Variants in TYW1 observed in about 807,000 individuals in gnomAD.
TYW1 encodes tRNA-yW synthesizing protein 1 homolog.
TYW1 carries 46 observed loss-of-function variants against 96.2 expected under a neutral mutation model. The ratio of observed to expected loss-of-function variants is 0.48; its 90% CI spans 0.38 to 0.61. The LOEUF is 0.61. TYW1 is among the 20% of genes least tolerant of loss of function. The pLI is 0.00. For missense variants in TYW1, 684 were observed against 909.6 expected, an observed-to-expected ratio of 0.75 and a Z score of 3.19; for synonymous variants, 274 against 323.0, an observed-to-expected ratio of 0.85 and a Z score of 1.63.
intron 13 of TYW1, among the ~76,000 whole-genome samples, chr7:67,125,219 AT>A (rs368505401): frequency 2.6e-5 from 4 of 152,332 alleles, no homozygotes; most frequent in African/African-American, 9.6e-5. Flanking sequence ...TTAAAAAAGT[AT>A]ATGTTTAGTG....
intron 4 of TYW1, among the ~76,000 whole-genome samples, chr7:67,013,934 G>A (rs544612200): frequency 2.0e-5 from 3 of 151,694 alleles, no homozygotes; most frequent in Non-Finnish European, 2.9e-5. Context: ...TAGTAGAGAC[G>A]AGGTTTCACC....
At chr7:67,022,129 T>C (rs1761649351) in intron 6 of TYW1, among the ~76,000 whole-genome samples, 1 of 152,210 alleles carries the variant, frequency 6.6e-6, no homozygotes, top group South Asian at 2.1e-4. Context: ...CCCAGGCTGG[T>C]CTCAAACTGC....
intron 15 of TYW1, among the ~76,000 whole-genome samples, chr7:67,207,223 T>C (rs888199700): frequency 6.6e-6 from 1 of 152,208 alleles, no homozygotes; most frequent in Non-Finnish European, 1.5e-5. Context: ...CAGTACTTTC[T>C]AGAGTAACTG....
At chr7:67,112,178 A>G (rs1463174535) in intron 12 of TYW1, among the ~76,000 whole-genome samples, 1 of 151,852 alleles carries the variant, frequency 6.6e-6, no homozygotes, top group East Asian at 1.9e-4. Flanking sequence ...CAAGTTCACA[A>G]TCTTTTACCC....
chr7:67,167,079 T>C (rs1160178428), intron 13 of TYW1, among the ~76,000 whole-genome samples: 1 of 152,222 alleles, frequency 6.6e-6, no homozygotes, highest in East Asian at 1.9e-4. Context: ...CTATGTCTTC[T>C]CTCTCCATTG....
intron 13 of TYW1, among the ~76,000 whole-genome samples, chr7:67,124,091 C>A (rs1797843866): frequency 6.6e-6 from 1 of 152,100 alleles, no homozygotes. Context: ...ACATTTAGAA[C>A]ATAGATATTG....
At chr7:67,206,564 G>C (rs1800805710) in intron 15 of TYW1, among the ~76,000 whole-genome samples, 1 of 151,986 alleles carries the variant, frequency 6.6e-6, no homozygotes, top group African/African-American at 2.4e-5. Flanking sequence ...CTGGGAGGCA[G>C]AGGTTGCAGT....
At chr7:66,999,647 C>T (rs1793312836) in intron 3 of TYW1, among the ~76,000 whole-genome samples, 1 of 152,186 alleles carries the variant, frequency 6.6e-6, no homozygotes, top group African/African-American at 2.4e-5. Flanking sequence ...AGCCACTGCA[C>T]CTGGCCTCAC....
At chr7:67,200,480 A>G (rs1226536803) in intron 15 of TYW1, among the ~76,000 whole-genome samples, 1 of 151,746 alleles carries the variant, frequency 6.6e-6, no homozygotes, top group African/African-American at 2.4e-5. Flanking sequence ...AACTCCTTAT[A>G]AAACCATCGG....
intron 10 of TYW1, among the ~76,000 whole-genome samples, chr7:67,076,526 AG>A (rs1796211845): frequency 9.2e-5 from 14 of 151,802 alleles, no homozygotes; most frequent in African/African-American, 3.4e-4. Context: ...CCCAGGCTGG[AG>A]TGCAGTGGCC....
chr7:67,091,849 G>T (rs1410771647), intron 11 of TYW1, among the ~76,000 whole-genome samples: 2 of 152,092 alleles, frequency 1.3e-5, no homozygotes, highest in South Asian at 4.2e-4. Context: ...TTTTTGTCTT[G>T]TATTTTGTTT....
chr7:67,208,920 C>T (rs1340645748), intron 15 of TYW1, among the ~76,000 whole-genome samples: 6 of 151,924 alleles, frequency 3.9e-5, no homozygotes, highest in Non-Finnish European at 5.9e-5. Flanking sequence ...ATGCCACATG[C>T]GAATCATTTC....
At chr7:67,023,983 G>A (rs564836334) in intron 6 of TYW1, among the ~76,000 whole-genome samples, 10 of 152,234 alleles carry the variant, frequency 6.6e-5, no homozygotes, top group African/African-American at 2.2e-4. Flanking sequence ...TGAACATTGT[G>A]TTGGGGACGT....
chr7:67,049,302 C>T (rs576834916), intron 7 of TYW1, among the ~76,000 whole-genome samples: 37 of 152,276 alleles, frequency 2.4e-4, no homozygotes, highest in Admixed American at 4.6e-4. Flanking sequence ...AGAAAATAAA[C>T]AACTTGCTAA....
At chr7:67,108,381 A>T (rs190171610) in intron 12 of TYW1, among the ~76,000 whole-genome samples, 100 of 152,224 alleles carry the variant, frequency 6.6e-4, no homozygotes, top group African/African-American at 2.2e-3. Context: ...GGAATTAACA[A>T]ATTTAACCTA....
At chr7:67,183,504 C>A (rs1466475645) in intron 14 of TYW1, among the ~76,000 whole-genome samples, 2 of 152,106 alleles carry the variant, frequency 1.3e-5, no homozygotes, top group Admixed American at 1.3e-4. Flanking sequence ...TCATTAAAAA[C>A]CATGTAGTGA....
intron 13 of TYW1, among the ~76,000 whole-genome samples, chr7:67,176,369 C>A (rs1481703564): frequency 6.6e-6 from 1 of 152,120 alleles, no homozygotes; most frequent in African/African-American, 2.4e-5. Flanking sequence ...CTACATGTGA[C>A]CATTGAGTAC....
chr7:67,164,339 A>G (rs10155890), intron 13 of TYW1, among the ~76,000 whole-genome samples: 42,720 of 151,970 alleles, frequency 0.28, 6,520 homozygotes, highest in African/African-American at 0.4. Context: ...GCCAGGTGTT[A>G]TAGCTAATGC....
At position 67,027,862 on chromosome 7, in the gene TYW1, AGAGCTTGTAGT is replaced by A. The variant is rs1423543657; in HGVS notation, c.984+2845_984+2855del. ...AGAGAATGGCGTGAACCCGGGAGGCAGAGCTTGTAGTGAGCAGAGATCGCGCCACTGCACTC... is the reference window on the plus strand; with the variant it reads ...AGAGAATGGCGTGAACCCGGGAGGCAGAGCAGAGATCGCGCCACTGCACTC... On this transcript the variant is annotated intron_variant, in intron 7 of 15. Coordinates refer to ENST00000359626, the MANE Select transcript of TYW1 (RefSeq NM_018264.4). Among the ~76,000 whole-genome samples, 10 of 151,006 alleles carry A rather than the reference AGAGCTTGTAGT, an allele frequency of 6.6e-5. No individual in the cohort carries two copies. The South Asian group carries it at 8.4e-4, about 13-fold the overall frequency.
Sources: gnomAD v4.1 joint callset for allele counts (sites outside exome capture counted in the v4.1 genomes callset) on GRCh38, gnomAD v4.1.1 for gene constraint, MANE v1.5 for transcripts, NCBI Gene and HGNC (gene_info 2026-07-23, HGNC 2026-07-21) for gene names.